STARD13: variants seen among roughly 807,000 people sequenced by gnomAD.
STARD13 encodes the protein stAR-related lipid transfer protein 13.
In STARD13, 62 loss-of-function variants were observed where a neutral mutation model predicts 106.4. That is an observed-to-expected ratio of 0.58 (90% confidence interval 0.48 to 0.72). STARD13 has a LOEUF of 0.72. STARD13 is among the 30% of genes least tolerant of loss of function. STARD13 has a pLI of 0.00. For synonymous variants in STARD13, 565 were observed against 553.0 expected, an observed-to-expected ratio of 1.02 and a Z score of -0.31; for missense variants, 1,387 against 1,424.0, an observed-to-expected ratio of 0.97 and a Z score of 0.42.
At chr13:33,328,722 G>A (rs747333270) in intron 1 of STARD13, among the ~76,000 whole-genome samples, 23 of 152,200 alleles carry the variant, frequency 1.5e-4, no homozygotes, top group Non-Finnish European at 2.8e-4. Flanking sequence ...AGGGGCCCTT[G>A]AGTCACAACA....
chr13:33,285,188 G>GT (rs2138414226), intron 1 of STARD13, among the ~76,000 whole-genome samples: 1 of 152,258 alleles, frequency 6.6e-6, no homozygotes, highest in Admixed American at 6.5e-5. Context: ...CTGAGTAACA[G>GT]TTCTCATCTG....
the STARD13 span, among the ~76,000 whole-genome samples, chr13:33,425,477 C>G: frequency 3.9e-5 from 6 of 152,170 alleles, no homozygotes; most frequent in Admixed American, 2.0e-4. Context: ...AGATGCTACA[C>G]CTTCTAGAAT....
intron 1 of STARD13, among the ~76,000 whole-genome samples, chr13:33,204,446 C>T (rs1223113384): frequency 6.6e-6 from 1 of 152,172 alleles, no homozygotes; most frequent in Non-Finnish European, 1.5e-5. Context: ...AATGAAAAGA[C>T]AGTACGACAA....
chr13:33,445,105 C>G, the STARD13 span, among the ~76,000 whole-genome samples: 1 of 152,206 alleles, frequency 6.6e-6, no homozygotes, highest in South Asian at 2.1e-4. Flanking sequence ...TTGTAATGAT[C>G]AATCAAGTCA....
chr13:33,255,394 C>T (rs1490618679), intron 1 of STARD13, among the ~76,000 whole-genome samples: 1 of 151,850 alleles, frequency 6.6e-6, no homozygotes, highest in Non-Finnish European at 1.5e-5. Context: ...TTATCCAGGC[C>T]CACCCTCTCT....
intron 1 of STARD13, among the ~76,000 whole-genome samples, chr13:33,255,102 C>G (rs547511998): frequency 7.0e-5 from 10 of 143,482 alleles, no homozygotes; most frequent in African/African-American, 1.6e-4. Flanking sequence ...GTGTGCTCCC[C>G]CCCCCCTCAG....
At chr13:33,514,423 T>C in the STARD13 span, among the ~76,000 whole-genome samples, 18 of 152,138 alleles carry the variant, frequency 1.2e-4, no homozygotes, top group East Asian at 1.9e-4. Context: ...GGAGAAATTG[T>C]TGGGCTTGTT....
Position 33,126,170 on chromosome 13 carries a change from G to C in STARD13, c.1993C>G (p.Leu665Val). Reference protein sequence around the residue: ...YKDKAVFGVPLIVHVQRTGQP... With the variant: ...YKDKAVFGVPVIVHVQRTGQP... ...CCCGTTCTTTGGACGTGGACTATGA[G>C]AGGAACGCCAAAGACAGCCTTGTCT... The change falls in exon 7 of 14, where the codon CTC (leucine) becomes GTC (valine). Residue 665 changes from leucine (L) to valine (V), a missense_variant. Physicochemically the swap from Leu to Val is conservative, Grantham distance 32. Coordinates refer to ENST00000336934, the MANE Select transcript of STARD13 (RefSeq NM_178006.4). 1 of 1,614,208 alleles carries C rather than the reference G, an allele frequency of 6.2e-7. No individual in the cohort carries two copies. Among genetic ancestry groups the C allele is most frequent in the Non-Finnish European group, 8.5e-7 (1 of 1,180,028 alleles).
chr13:33,134,539 T>C (rs1260706574), intron 4 of STARD13, among the ~76,000 whole-genome samples: 1 of 152,226 alleles, frequency 6.6e-6, no homozygotes, highest in Non-Finnish European at 1.5e-5. Context: ...CTCCTGTTTT[T>C]AAACTGTAAA....
chr13:33,560,537 C>T, the STARD13 span, among the ~76,000 whole-genome samples: 1 of 151,078 alleles, frequency 6.6e-6, no homozygotes, highest in African/African-American at 2.5e-5. Flanking sequence ...TCTTACATCC[C>T]GTGGGTCACA....
At chr13:33,640,624 G>A in the STARD13 span, among the ~76,000 whole-genome samples, 2 of 152,164 alleles carry the variant, frequency 1.3e-5, no homozygotes, top group African/African-American at 4.8e-5. Flanking sequence ...AATTACTTGT[G>A]AGAATCTTCA....
In STARD13 at chr13:33,329,854, C is replaced by G. The variant is rs976810068; in HGVS notation, c.124+20436G>C. Among the ~76,000 whole-genome samples the G allele has an allele frequency of 2.6e-5, 4 of 152,028 alleles. No homozygotes were observed. In the East Asian group the frequency reaches 5.8e-4, roughly 22 times the overall value. On this transcript the variant is annotated intron_variant, in intron 1 of 5. Transcript: ENST00000567873. ...GCGTAGCTGGGATTACAGGTGCCTG[C>G]CACCATGCCTGGCTAATTTTTGTAT... is the stretch of plus-strand genomic sequence containing the variant.
At chr13:33,439,546 CT>C in the STARD13 span, 1 of 293,214 alleles carries the variant, frequency 3.4e-6, no homozygotes, top group African/African-American at 2.3e-5. Flanking sequence ...AGGTCAAATT[CT>C]GATTTAACAT....
the STARD13 span, among the ~76,000 whole-genome samples, chr13:33,641,354 T>A: frequency 0.11 from 16,532 of 152,158 alleles, 1,981 homozygotes; most frequent in African/African-American, 0.26. Context: ...GACTGCTGGG[T>A]TTATAAGTGT....
At chr13:33,440,807 A>C in the STARD13 span, among the ~76,000 whole-genome samples, 9 of 107,728 alleles carry the variant, frequency 8.4e-5, no homozygotes, top group East Asian at 5.2e-4. Context: ...ATAGAGTCTC[A>C]CTCTGTCACC....
the STARD13 span, among the ~76,000 whole-genome samples, chr13:33,623,168 A>T: frequency 1.3e-5 from 2 of 152,128 alleles, no homozygotes; most frequent in African/African-American, 4.8e-5. Context: ...AATCAGTGAG[A>T]TCGATCAGAT....
In STARD13 at chr13:33,317,842, G is replaced by A. The variant is rs114921518; in HGVS notation, c.124+32448C>T. Reference sequence around the variant, plus strand: ...AGCACTCCGTAAGTTTTTCCAGAATGAATGGATGGACGGATGGATGAATAA... The same window carrying A: ...AGCACTCCGTAAGTTTTTCCAGAATAAATGGATGGACGGATGGATGAATAA... On this transcript the variant is annotated intron_variant, in intron 1 of 5. Transcript: ENST00000567873. Among the ~76,000 whole-genome samples the A allele has an allele frequency of 3.4e-3, 523 of 152,310 alleles. 2 individuals carry two copies. The highest frequency in any genetic ancestry group is 0.012 in the African/African-American group (508 of 41,556).
At chr13:33,574,090 G>A in the STARD13 span, among the ~76,000 whole-genome samples, 3 of 152,156 alleles carry the variant, frequency 2.0e-5, no homozygotes, top group Admixed American at 6.6e-5. Flanking sequence ...CATGACAGGA[G>A]TTTGGAAAGC....
chr13:33,184,144 T>C lies in STARD13; in HGVS notation c.170-16522A>G, dbSNP rs187958847. Among the ~76,000 whole-genome samples, 808 of 152,304 alleles carry C rather than the reference T, an allele frequency of 5.3e-3. 8 individuals carry two copies. The highest frequency in any genetic ancestry group is 0.018 in the African/African-American group (756 of 41,556). On this transcript the variant is annotated intron_variant, in intron 1 of 13. Transcript: ENST00000336934. Reference sequence around the variant, plus strand: ...GACACCTCCTCCAACAAACCTTTCCTGAACCCTTCTGATAATTATAGCCAC... The same window carrying C: ...GACACCTCCTCCAACAAACCTTTCCCGAACCCTTCTGATAATTATAGCCAC...
Sources: allele counts gnomAD v4.1 joint callset (sites outside exome capture counted in the v4.1 genomes callset), GRCh38; gene constraint gnomAD v4.1.1; transcripts MANE v1.5; gene names NCBI Gene and HGNC (gene_info 2026-07-23, HGNC 2026-07-21).